TIAM1: variants seen among roughly 807,000 people sequenced by gnomAD.
TIAM1 encodes the protein rho guanine nucleotide exchange factor TIAM1.
A neutral mutation model predicts 163.5 loss-of-function variants in TIAM1; 65 were observed. That is an observed-to-expected ratio of 0.40 (90% CI 0.33 to 0.49). The LOEUF (loss-of-function observed/expected upper bound fraction) is 0.49, where lower values mean the gene tolerates loss of function less well. TIAM1 is among the 20% of genes least tolerant of loss of function. The pLI is 0.77. For synonymous variants in TIAM1, 833 were observed against 810.1 expected, an observed-to-expected ratio of 1.03 and a Z score of -0.48; for missense variants, 1,789 against 2,044.7, an observed-to-expected ratio of 0.87 and a Z score of 2.41.
intron 2 of TIAM1, among the ~76,000 whole-genome samples, chr21:31,427,013 T>C (rs181083335): frequency 1.3e-5 from 2 of 152,160 alleles, no homozygotes; most frequent in Admixed American, 1.3e-4. Context: ...CTCCAACTCC[T>C]GGGCTCAAGC....
At chr21:31,310,149 C>T (rs750238246) in intron 2 of TIAM1, among the ~76,000 whole-genome samples, 6 of 152,218 alleles carry the variant, frequency 3.9e-5, no homozygotes, top group African/African-American at 9.6e-5. Flanking sequence ...GGGGGCCACA[C>T]GCCTGAGTTC....
intron 16 of TIAM1, among the ~76,000 whole-genome samples, chr21:31,157,663 T>TCATC (rs1268830060): frequency 6.6e-6 from 1 of 151,884 alleles, no homozygotes. Flanking sequence ...ACATGCCAAT[T>TCATC]CATCCCATGT....
At chr21:31,289,644 C>T (rs534331088) in intron 2 of TIAM1, among the ~76,000 whole-genome samples, 3 of 152,132 alleles carry the variant, frequency 2.0e-5, no homozygotes, top group East Asian at 1.9e-4. Flanking sequence ...GAAGTCATTG[C>T]GAATCAGATT....
chr21:31,177,579 G>C (rs1406079363), intron 15 of TIAM1, among the ~76,000 whole-genome samples: 1 of 152,098 alleles, frequency 6.6e-6, no homozygotes, highest in Non-Finnish European at 1.5e-5. Context: ...TGCACTCCAG[G>C]CTGGGTGACA....
intron 16 of TIAM1, chr21:31,160,701 G>T (rs989277656): frequency 2.6e-6 from 1 of 391,406 alleles, no homozygotes; most frequent in East Asian, 3.6e-5. Flanking sequence ...CTACGGCCAC[G>T]TCTCAACGCA....
intron 1 of TIAM1, among the ~76,000 whole-genome samples, chr21:31,492,807 AC>A (rs1361809162): frequency 7.0e-6 from 1 of 142,130 alleles, no homozygotes; most frequent in East Asian, 1.9e-4. Flanking sequence ...ACACACACAC[AC>A]ACACACACAC....
chr21:31,526,323 C>T (rs900369768), intron 1 of TIAM1, among the ~76,000 whole-genome samples: 2 of 152,194 alleles, frequency 1.3e-5, no homozygotes, highest in African/African-American at 4.8e-5. Flanking sequence ...AGGTCAAAGG[C>T]TCCACTGACT....
rs564654257 is a variant in TIAM1, at chr21:31,330,054, C to T, written c.-189+9189G>A. Reference sequence around the variant, plus strand: ...TGACACATCATTATTACCCAAAGTCCATAGTTCACATTAGGGTTCAGTCTT... The same window carrying T: ...TGACACATCATTATTACCCAAAGTCTATAGTTCACATTAGGGTTCAGTCTT... On this transcript the variant is annotated intron_variant, in intron 2 of 27. Coordinates refer to ENST00000541036, the MANE Select transcript of TIAM1 (RefSeq NM_001353694.2). 2.6e-5 allele frequency among the ~76,000 whole-genome samples: 4 copies of T among 152,224 alleles called. 1 individual carries two copies. The South Asian group carries it at 8.3e-4, about 32-fold the overall frequency.
At chr21:31,138,593 G>A (rs967240874) in intron 22 of TIAM1, among the ~76,000 whole-genome samples, 2 of 152,190 alleles carry the variant, frequency 1.3e-5, no homozygotes, top group African/African-American at 4.8e-5. Flanking sequence ...CTGAGTCTCC[G>A]TAATTCTTCC....
chr21:31,379,280 T>A (rs576611116), intron 2 of TIAM1, among the ~76,000 whole-genome samples: 20 of 152,324 alleles, frequency 1.3e-4, no homozygotes, highest in Non-Finnish European at 2.4e-4. Flanking sequence ...CCTACACTAT[T>A]TTATATAAGG....
intron 2 of TIAM1, among the ~76,000 whole-genome samples, chr21:31,310,380 G>C (rs2074879278): frequency 6.6e-6 from 1 of 152,172 alleles, no homozygotes; most frequent in Admixed American, 6.5e-5. Context: ...CCCACAGCCA[G>C]CCAGCTTTGG....
chr21:31,555,612 T>C (rs2048848935), intron 1 of TIAM1, among the ~76,000 whole-genome samples: 1 of 152,090 alleles, frequency 6.6e-6, no homozygotes, highest in Non-Finnish European at 1.5e-5. Context: ...CCCACTCCTC[T>C]GCCCTCCTCA....
intron 2 of TIAM1, among the ~76,000 whole-genome samples, chr21:31,411,088 C>T (rs948001428): frequency 6.6e-6 from 1 of 152,032 alleles, no homozygotes; most frequent in Non-Finnish European, 1.5e-5. Context: ...CTGCCTCCCA[C>T]CTCAATCATA....
intron 2 of TIAM1, among the ~76,000 whole-genome samples, chr21:31,278,811 C>T (rs1433170254): frequency 6.6e-6 from 1 of 152,174 alleles, no homozygotes; most frequent in Admixed American, 6.5e-5. Context: ...GGTTGGCTCC[C>T]TTTCCCTGGG....
chr21:31,349,576 T>C (rs1160062225), intron 2 of TIAM1, among the ~76,000 whole-genome samples: 1 of 152,228 alleles, frequency 6.6e-6, no homozygotes, highest in Non-Finnish European at 1.5e-5. Flanking sequence ...ATAATTGTTA[T>C]TGGCACTAGA....
At chr21:31,315,679 CAAAAA>C (rs58560437) in intron 2 of TIAM1, among the ~76,000 whole-genome samples, 1 of 80,248 alleles carries the variant, frequency 1.2e-5, no homozygotes, top group Non-Finnish European at 2.5e-5. Flanking sequence ...AACTCCATCT[CAAAAA>C]AAAAAAAAAA....
intron 6 of TIAM1, among the ~76,000 whole-genome samples, chr21:31,233,785 A>G (rs1369847083): frequency 6.6e-6 from 1 of 152,178 alleles, no homozygotes; most frequent in African/African-American, 2.4e-5. Context: ...ACCCTCACCC[A>G]CGCCGGGTTC....
At position 31,189,044 on chromosome 21, in the gene TIAM1, C is replaced by CTTTTTTTTT. The variant is rs58786753; in HGVS notation, c.2576-1966_2576-1958dup. Among the ~76,000 whole-genome samples, 18 of 70,086 alleles carry CTTTTTTTTT rather than the reference C, an allele frequency of 2.6e-4. 2 individuals carry two copies. The highest frequency in any genetic ancestry group is 3.2e-4 in the Non-Finnish European group (13 of 40,300). The allele number at this position is 70,086 out of a possible 152,430, so 46.0% of individuals were successfully genotyped here. On this transcript the variant is annotated intron_variant, in intron 13 of 27. Transcript: ENST00000541036. ...TCAGGTATGATTTGCTCCATTCCCT[C>CTTTTTTTTT]TTTTTTTTTTTTTTTTTTTTTTTTT...
chr21:31,148,739 C>T (rs1294613866), intron 19 of TIAM1, among the ~76,000 whole-genome samples: 1 of 152,126 alleles, frequency 6.6e-6, no homozygotes, highest in African/African-American at 2.4e-5. Flanking sequence ...GAACAATGTG[C>T]ACACAAATAT....
Sources: gnomAD v4.1 joint callset for allele counts (sites outside exome capture counted in the v4.1 genomes callset) on GRCh38, gnomAD v4.1.1 for gene constraint, MANE v1.5 for transcripts, NCBI Gene and HGNC (gene_info 2026-07-23, HGNC 2026-07-21) for gene names.